Variants in CPNE4 observed in about 807,000 individuals in gnomAD.
CPNE4 encodes the protein copine 4, also known as copine-4.
In CPNE4, 25 loss-of-function variants were observed where a neutral mutation model predicts 67.9. The observed-to-expected ratio is 0.37, with a 90% CI of 0.27 to 0.51. CPNE4 has a LOEUF of 0.51. CPNE4 is among the 20% of genes least tolerant of loss of function. The pLI is 0.93. For missense variants in CPNE4, 464 were observed against 690.8 expected (o/e 0.67, Z 3.68); for synonymous variants, 242 against 244.9 (o/e 0.99, Z 0.11).
chr3:131,953,213 GTGAGA>G (rs1242670379), intron 1 of CPNE4, among the ~76,000 whole-genome samples: 1 of 114,772 alleles, frequency 8.7e-6, no homozygotes, highest in Non-Finnish European at 1.7e-5. Context: ...ATCCCCCTCT[GTGAGA>G]AACACCCAAG....
At chr3:131,798,182 AG>A (rs1414786489) in intron 2 of CPNE4, among the ~76,000 whole-genome samples, 1 of 152,076 alleles carries the variant, frequency 6.6e-6, no homozygotes, top group African/African-American at 2.4e-5. Context: ...TGTATTTGGG[AG>A]GGGGAACACA....
intron 7 of CPNE4, among the ~76,000 whole-genome samples, chr3:131,596,621 CAAAAAA>C (rs58456346): frequency 0.029 from 943 of 32,876 alleles, 1 homozygote; most frequent in Non-Finnish European, 0.038. Flanking sequence ...GACTCCGTCT[CAAAAAA>C]AAAAAAAAAA....
intron 2 of CPNE4, among the ~76,000 whole-genome samples, chr3:131,792,624 TATATATACACAC>T (rs879337211): frequency 0.053 from 3,893 of 73,242 alleles, 151 homozygotes; most frequent in East Asian, 0.1. Context: ...TATATGTATA[TATATATACACAC>T]GTGTATATAT....
chr3:131,600,456 A>T (rs942206566), intron 7 of CPNE4, among the ~76,000 whole-genome samples: 3 of 152,194 alleles, frequency 2.0e-5, no homozygotes, highest in African/African-American at 7.2e-5. Context: ...GGGAATCAGA[A>T]GTCTGCTTTG....
At chr3:132,027,624 C>T (rs542527848) in intron 1 of CPNE4, among the ~76,000 whole-genome samples, 12 of 152,214 alleles carry the variant, frequency 7.9e-5, no homozygotes, top group African/African-American at 2.2e-4. Flanking sequence ...GGCCAGATAA[C>T]GTTAACACAC....
intron 5 of CPNE4, among the ~76,000 whole-genome samples, chr3:131,694,969 C>T (rs1418248255): frequency 6.6e-6 from 1 of 152,166 alleles, no homozygotes. Flanking sequence ...GATTGTTTAC[C>T]ATGCAGCAAT....
At chr3:131,706,044 A>G (rs537519244) in intron 3 of CPNE4, among the ~76,000 whole-genome samples, 1 of 152,076 alleles carries the variant, frequency 6.6e-6, no homozygotes, top group African/African-American at 2.4e-5. Context: ...CCTAGCACCT[A>G]ATGTCCTGGC....
intron 7 of CPNE4, chr3:131,620,371 C>T: frequency 1.4e-6 from 1 of 732,330 alleles, no homozygotes; most frequent in East Asian, 1.3e-4. Context: ...AATTGACAAA[C>T]TAGGCTACGG....
At chr3:131,991,531 A>T (rs1191108285) in intron 1 of CPNE4, among the ~76,000 whole-genome samples, 1 of 135,948 alleles carries the variant, frequency 7.4e-6, no homozygotes, top group African/African-American at 2.5e-5. Flanking sequence ...AATGATTAGG[A>T]TATCTAGTGG....
At position 131,988,557 on chromosome 3, in the gene CPNE4, G is replaced by A. The variant is rs926913913; in HGVS notation, c.-2+46010C>T. On this transcript the variant is annotated intron_variant, in intron 1 of 15. Coordinates refer to ENST00000429747, the MANE Select transcript of CPNE4 (RefSeq NM_130808.3). ...GCCTAGTTTACGGATATTCATGTAG[G>A]AATATAGACAAATCTTGATAGTTGA... 1.1e-4 allele frequency among the ~76,000 whole-genome samples: 16 copies of A among 152,238 alleles called. No homozygotes were observed. In the East Asian group the frequency reaches 3.1e-3, roughly 29 times the overall value.
chr3:131,909,592 T>C (rs2088899929), intron 1 of CPNE4, among the ~76,000 whole-genome samples: 1 of 151,300 alleles, frequency 6.6e-6, no homozygotes, highest in Non-Finnish European at 1.5e-5. Context: ...TTATTGAATG[T>C]AAAAAAAAAT....
rs748126986 is a variant in CPNE4 at position 131,958,609 on chromosome 3, CTTTTT to C, written c.-1-53170_-1-53166del. Among the ~76,000 whole-genome samples the C allele has an allele frequency of 4.1e-3, 392 of 96,010 alleles. 11 individuals are homozygous for C. Among genetic ancestry groups the C allele is most frequent in the African/African-American group, 0.019 (380 of 20,068 alleles). The allele number at this position is 96,010 out of a possible 152,430, so 63.0% of individuals were successfully genotyped here. A position where few individuals can be genotyped will look rare whatever the true frequency, so the allele number is the denominator to read the frequency against. ...CAATTGATACACCTTTCTTTCTTTT[CTTTTT>C]TTTTTTTTTTTTTTTTTTTTTTTTT... On this transcript the variant is annotated intron_variant, in intron 1 of 15. Coordinates refer to ENST00000429747, the MANE Select transcript of CPNE4 (RefSeq NM_130808.3).
At position 131,982,219 on chromosome 3, in the gene CPNE4, A is replaced by G. The variant is rs548273550; in HGVS notation, c.-2+52348T>C. On this transcript the variant is annotated intron_variant, in intron 1 of 15. Coordinates refer to ENST00000429747, the MANE Select transcript of CPNE4 (RefSeq NM_130808.3). Reference sequence around the variant, plus strand: ...TATCAAGATAAATTGTCTTACTACTAAAACTTTATGCATTCAGATCTCTTA... The same window carrying G: ...TATCAAGATAAATTGTCTTACTACTGAAACTTTATGCATTCAGATCTCTTA... Among the ~76,000 whole-genome samples, 3 of 152,316 alleles carry G rather than the reference A, an allele frequency of 2.0e-5. No individual in the cohort carries two copies. In the East Asian group the frequency reaches 5.8e-4, roughly 29 times the overall value.
At chr3:131,644,754 T>C (rs1314207434) in intron 7 of CPNE4, among the ~76,000 whole-genome samples, 1 of 152,186 alleles carries the variant, frequency 6.6e-6, no homozygotes, top group Non-Finnish European at 1.5e-5. Context: ...GGAAAAGGTC[T>C]AAGAATGCTC....
intron 7 of CPNE4, among the ~76,000 whole-genome samples, chr3:131,594,143 G>A (rs921586034): frequency 5.3e-5 from 8 of 152,136 alleles, no homozygotes; most frequent in Non-Finnish European, 8.8e-5. Context: ...GCTTGTCATA[G>A]ATGGTCTTTA....
intron 2 of CPNE4, among the ~76,000 whole-genome samples, chr3:131,753,750 T>C (rs1052760942): frequency 6.6e-6 from 1 of 152,174 alleles, no homozygotes; most frequent in African/African-American, 2.4e-5. Context: ...TCAGACTGGT[T>C]AAAATTTTTT....
chr3:131,984,963 T>C lies in CPNE4; in HGVS notation c.-2+49604A>G, dbSNP rs535791159. On this transcript the variant is annotated intron_variant, in intron 1 of 15. Coordinates refer to ENST00000429747, the MANE Select transcript of CPNE4 (RefSeq NM_130808.3). ...CATCTACTACCAGTATTTCCTGGGG[T>C]GACCTCTGTCTTATATTGGGCTGCT... 3.3e-4 allele frequency among the ~76,000 whole-genome samples: 51 copies of C among 152,326 alleles called. No individual in the cohort carries two copies. The South Asian group carries it at 0.01, about 31-fold the overall frequency.
In CPNE4 at chr3:132,005,338, TATATACACACACACACACACACACAC is replaced by T. The variant is rs1330963092; in HGVS notation, c.-2+29203_-2+29228del. ...ACATATATATATATATATATATATA[TATATACACACACACACACACACACAC>T]ACACACACATATATGTTTATATTTC... On this transcript the variant is annotated intron_variant, in intron 1 of 15. Transcript: ENST00000429747. Among the ~76,000 whole-genome samples the T allele has an allele frequency of 3.4e-4, 10 of 29,678 alleles. 1 individual carries two copies. Among genetic ancestry groups the T allele is most frequent in the Non-Finnish European group, 4.6e-4 (6 of 12,948 alleles). The allele number at this position is 29,678 out of a possible 152,430, so 19.5% of individuals were successfully genotyped here.
chr3:131,841,796 T>C (rs984610567), intron 2 of CPNE4, among the ~76,000 whole-genome samples: 2 of 152,220 alleles, frequency 1.3e-5, no homozygotes, highest in African/African-American at 4.8e-5. Context: ...AGTCCTCATC[T>C]ATCAGCCTCT....
Sources: allele counts gnomAD v4.1 joint callset (sites outside exome capture counted in the v4.1 genomes callset), GRCh38; gene constraint gnomAD v4.1.1; transcripts MANE v1.5; gene names NCBI Gene and HGNC (gene_info 2026-07-23, HGNC 2026-07-21).